The following FANCI variants were observed in gnomAD, a reference collection of about 807,000 sequenced individuals.
FANCI encodes the protein FA complementation group I.
FANCI carries 156 observed loss-of-function variants against 176.1 expected under a neutral mutation model. The ratio of observed to expected loss-of-function variants is 0.89; its 90% CI spans 0.78 to 1.01. The LOEUF (loss-of-function observed/expected upper bound fraction) is 1.01. Ranked by LOEUF, FANCI falls within the 50% of genes least tolerant of loss-of-function variation. The pLI, the probability that FANCI is intolerant of heterozygous loss-of-function variation, is 0.00. For missense variants in FANCI, 1,678 were observed against 1,534.1 expected (o/e 1.09, Z -1.57); for synonymous variants, 613 against 541.7 (o/e 1.13, Z -1.83).
At chr15:89,315,708 T>C (rs904239940) in intron 37 of FANCI, among the ~76,000 whole-genome samples, 49 of 152,120 alleles carry the variant, frequency 3.2e-4, no homozygotes, top group African/African-American at 1.1e-3. Context: ...GCTCAGAAAC[T>C]AGTTTACCTC....
At chr15:89,304,810 C>T (rs1338940496) in intron 28 of FANCI, among the ~76,000 whole-genome samples, 1 of 150,328 alleles carries the variant, frequency 6.7e-6, no homozygotes, top group Non-Finnish European at 1.5e-5. Context: ...GAGTTTCACT[C>T]TTGTTGCCCA....
chr15:89,260,745 A>T lies in FANCI; in HGVS notation c.190A>T (p.Arg64Trp). Residue 64 changes from arginine (R) to tryptophan (W), a missense_variant, in exon 4 of 38, where the codon AGG becomes TGG. Physicochemically the swap from Arg to Trp is moderately radical, Grantham distance 101. Coordinates refer to ENST00000310775, the MANE Select transcript of FANCI (RefSeq NM_001113378.2). ...CTGCTCTGAGGAAGCTGGAACACTT[A>T]GGAGACGTAAGATATACACTTGTTG... The part of the protein sequence containing the change: ...SPCSEEAGTL[R>W]RRKIYTCCIQ... 6.2e-7 allele frequency: 1 copy of T among 1,614,030 alleles called. No homozygotes were observed.
chr15:89,261,494 C>A, intron 4 of FANCI, 91 bp from the exon 5 acceptor site: 1 of 1,509,644 alleles, frequency 6.6e-7, no homozygotes, highest in East Asian at 2.3e-5. Context: ...TCGGTCAATT[C>A]ATTTATTTCA....
At position 89,316,770 on chromosome 15, in the gene FANCI, C is replaced by T. The variant is rs750792237; in HGVS notation, c.*311C>T. 22 of 1,613,618 alleles carry T rather than the reference C, an allele frequency of 1.4e-5. No homozygotes were observed. Among genetic ancestry groups the T allele is most frequent in the African/African-American group, 1.1e-4 (8 of 74,912 alleles). On this transcript the variant is annotated 3_prime_UTR_variant, in exon 38 of 38. Transcript: ENST00000310775. Reference sequence around the variant, plus strand: ...GCAGTGCTATGGTCCAGGCTGGCTTCGTTTTTCCAAGGAGCCTTTGGTGAG... The same window carrying T: ...GCAGTGCTATGGTCCAGGCTGGCTTTGTTTTTCCAAGGAGCCTTTGGTGAG...
intron 28 of FANCI, 79 bp from the exon 29 acceptor site, chr15:89,305,036 A>C (rs2054663998): frequency 2.5e-6 from 4 of 1,576,136 alleles, no homozygotes; most frequent in Admixed American, 1.7e-5. Context: ...TTGGCCTCCC[A>C]AAGTGCTGGG....
chr15:89,302,871 C>A (rs1425711853), intron 27 of FANCI, among the ~76,000 whole-genome samples: 1 of 152,046 alleles, frequency 6.6e-6, no homozygotes, highest in Non-Finnish European at 1.5e-5. Flanking sequence ...CCGCGCCTGG[C>A]CAAAAATTTT....
At chr15:89,314,487 T>TG (rs2055121156) in intron 35 of FANCI, 125 bp from the exon 36 acceptor site, 3 of 764,856 alleles carry the variant, frequency 3.9e-6, no homozygotes, top group Admixed American at 2.0e-5. Context: ...GGTATACAAC[T>TG]GCATTTGATT....
intron 30 of FANCI, 58 bp from the exon 31 acceptor site, chr15:89,305,547 A>G: frequency 6.2e-7 from 1 of 1,604,326 alleles, no homozygotes; most frequent in Non-Finnish European, 8.5e-7. Context: ...GACCACAGTT[A>G]TTATATTACC....
At chr15:89,294,828 T>C in intron 23 of FANCI, 87 bp from the exon 24 acceptor site, 2 of 1,421,058 alleles carry the variant, frequency 1.4e-6, no homozygotes, top group Non-Finnish European at 9.5e-7. Context: ...GCTGCTGTTC[T>C]GAACAATTTC....
Position 89,274,968 on chromosome 15 carries a change from T to G in FANCI, c.1112+664T>G, listed in dbSNP as rs146507107. Among the ~76,000 whole-genome samples, 401 of 152,052 alleles carry G rather than the reference T, an allele frequency of 2.6e-3. 8 individuals carry two copies. Among genetic ancestry groups the G allele is most frequent in the East Asian group, 0.015 (76 of 5,174 alleles). ...TGCCCAGGCTGGAGTGCAATGGCTATTCACAGGCTCTATTATAGCACGGTA... is the reference window on the plus strand; with the variant it reads ...TGCCCAGGCTGGAGTGCAATGGCTAGTCACAGGCTCTATTATAGCACGGTA... On this transcript the variant is annotated intron_variant, in intron 12 of 37. Transcript: ENST00000310775.
intron 31 of FANCI, 152 bp downstream of exon 31, chr15:89,305,850 A>T: frequency 9.1e-7 from 1 of 1,093,542 alleles, no homozygotes; most frequent in Non-Finnish European, 1.4e-6. Flanking sequence ...GTAGAAGATC[A>T]TATGTCTTAT....
chr15:89,297,788 G>A (rs1440727033), intron 24 of FANCI, among the ~76,000 whole-genome samples: 1 of 150,424 alleles, frequency 6.6e-6, no homozygotes, highest in Non-Finnish European at 1.5e-5. Context: ...GGGAGGGGGA[G>A]GGGGCTCGTT....
chr15:89,254,147 C>T (rs1296368555), intron 2 of FANCI, among the ~76,000 whole-genome samples: 4 of 152,014 alleles, frequency 2.6e-5, no homozygotes, highest in African/African-American at 4.8e-5. Context: ...CACTTGAGTC[C>T]GGGAGTTCAA....
intron 12 of FANCI, among the ~76,000 whole-genome samples, 153 bp from the exon 13 acceptor site, chr15:89,276,558 T>G (rs1035414299): frequency 6.6e-6 from 1 of 152,226 alleles, no homozygotes; most frequent in African/African-American, 2.4e-5. Context: ...AATTCAGAAT[T>G]CTGTCAGACG....
intron 20 of FANCI, 109 bp from the exon 21 acceptor site, chr15:89,292,579 A>T: frequency 2.7e-6 from 3 of 1,101,394 alleles, no homozygotes; most frequent in South Asian, 2.7e-5. Flanking sequence ...AACGCCAATG[A>T]ATCATTTTCT....
At chr15:89,282,366 A>ACC in intron 16 of FANCI, 3 of 164,750 alleles carry the variant, frequency 1.8e-5, no homozygotes, top group Admixed American at 1.1e-4. Flanking sequence ...TGTTGAGGGG[A>ACC]ATGAGTTTTA....
chr15:89,273,318 AAAAAAAAAG>A, intron 10 of FANCI, 50 bp from the exon 11 acceptor site: 1 of 899,464 alleles, frequency 1.1e-6, no homozygotes, highest in South Asian at 1.5e-5. Context: ...TTTAAAAAAA[AAAAAAAAAG>A]AAAAAAGAAA....
intron 24 of FANCI, among the ~76,000 whole-genome samples, chr15:89,296,953 T>C (rs1375231357): frequency 2.2e-5 from 3 of 134,960 alleles, no homozygotes; most frequent in Non-Finnish European, 3.1e-5. Context: ...ACGGGGCGGC[T>C]GGCCGGGCGG....
chr15:89,295,196 A>G lies in FANCI; in HGVS notation c.2636+102A>G. The stretch of plus-strand genomic sequence containing the variant: ...ATGAAGGTAATTTGAGGTTGGACAT[A>G]TTTTAGGAGTGAAAGAATATAAAAC... On this transcript the variant is annotated intron_variant, in intron 24 of 37. Transcript: ENST00000310775. 3.8e-6 allele frequency: 5 copies of G among 1,323,758 alleles called. No individual in the cohort carries two copies. In the South Asian group the frequency reaches 7.0e-5, roughly 19 times the overall value. The allele number at this position is 1,323,758 out of a possible 1,614,324, so 82.0% of individuals were successfully genotyped here.
Sources: gnomAD v4.1 joint callset for allele counts (sites outside exome capture counted in the v4.1 genomes callset) on GRCh38, gnomAD v4.1.1 for gene constraint, MANE v1.5 for transcripts, NCBI Gene and HGNC (gene_info 2026-07-23, HGNC 2026-07-21) for gene names.